Variants in RPL5 observed in about 807,000 individuals in gnomAD.
RPL5 encodes the protein large ribosomal subunit protein uL18.
Under a neutral mutation model 38.4 loss-of-function variants are expected in RPL5, and 1 was observed. The ratio of observed to expected loss-of-function variants is 0.03; its 90% CI spans 0.01 to 0.12. The LOEUF (loss-of-function observed/expected upper bound fraction) is 0.12. Among genes scored for constraint, RPL5 ranks in the 10% least tolerant of loss-of-function variants. The probability of loss-of-function intolerance (pLI) is 1.00; values close to 1 mark genes in which losing one functional copy is unlikely to be tolerated. For synonymous variants in RPL5, 109 were observed against 121.2 expected (o/e 0.90, Z 0.66); for missense variants, 243 against 374.1 (o/e 0.65, Z 2.89).
rs555757097 is a variant in RPL5, at chr1:92,832,380, T to C, written c.3+263T>C. On this transcript the variant is annotated intron_variant, in intron 1 of 7. Coordinates refer to ENST00000370321, the MANE Select transcript of RPL5 (RefSeq NM_000969.5). ...AGAAGGGTGAGTTTAGTAGACAGCC[T>C]GAGTGCGGATACTGCCGTCTAGTGT... 95 of 610,970 alleles carry C rather than the reference T, an allele frequency of 1.6e-4. 1 individual carries two copies. The South Asian group carries it at 1.7e-3, about 11-fold the overall frequency. The allele number at this position is 610,970 out of a possible 1,614,324, so 37.8% of individuals were successfully genotyped here.
rs1571026950 is a variant in RPL5 at position 92,834,895 on chromosome 1, C to T, written c.306C>T (p.Gly102=). 6.2e-7 allele frequency: 1 copy of T among 1,602,228 alleles called. No homozygotes were observed. The part of the protein sequence containing the change: ...LTNYAAAYCT[G]LLLARRLLNR... ...ATTATGCTGCAGCATATTGTACTGGCCTGCTGCTGGCCCGCAGGGTATGTA... is the reference window on the plus strand; with the variant it reads ...ATTATGCTGCAGCATATTGTACTGGTCTGCTGCTGGCCCGCAGGGTATGTA... Residue 102 remains glycine, a synonymous_variant, in exon 4 of 8, where the codon GGC becomes GGT. Coordinates refer to ENST00000370321, the MANE Select transcript of RPL5 (RefSeq NM_000969.5).
In RPL5 at chr1:92,832,057, G is replaced by A. The variant is rs200437092; in HGVS notation, c.-58G>A. ...GCTGTGGCCCTTTTCCCACCCCCTA[G>A]CGCCGCTGGGCCTGCAGGTCTCTGT... is the stretch of plus-strand genomic sequence containing the variant. On this transcript the variant is annotated 5_prime_UTR_variant, in exon 1 of 8. Transcript: ENST00000370321. 5.0e-6 allele frequency: 8 copies of A among 1,611,648 alleles called. No individual in the cohort carries two copies. The highest frequency in any genetic ancestry group is 1.7e-4 in the Middle Eastern group (1 of 6,060).
chr1:92,837,766 T>C (rs1571032390), intron 6 of RPL5, 133 bp downstream of exon 6: 1 of 745,710 alleles, frequency 1.3e-6, no homozygotes, highest in African/African-American at 1.8e-5. Context: ...CAACATTCTT[T>C]TAGTAATCTT....
chr1:92,840,275 T>C (rs1687301178), intron 6 of RPL5: 1 of 390,202 alleles, frequency 2.6e-6, no homozygotes, highest in South Asian at 2.3e-5. Context: ...ACTCCCAAAG[T>C]GCTTGAGATT....
intron 1 of RPL5, 156 bp from the exon 2 acceptor site, chr1:92,833,233 C>A: frequency 1.5e-6 from 1 of 672,476 alleles, no homozygotes; most frequent in Non-Finnish European, 2.7e-6. Flanking sequence ...GAAAAAGATT[C>A]TTGACCCTAG....
chr1:92,838,912 CTT>C (rs1246696636), intron 6 of RPL5, among the ~76,000 whole-genome samples: 1 of 151,806 alleles, frequency 6.6e-6, no homozygotes, highest in Admixed American at 6.6e-5. Flanking sequence ...CTTTAATAAT[CTT>C]TATGCAAATG....
chr1:92,835,246 C>T (rs890561531), intron 4 of RPL5: 3 of 393,630 alleles, frequency 7.6e-6, no homozygotes, highest in Non-Finnish European at 1.4e-5. Flanking sequence ...CTTAGGTATA[C>T]ATTCTGAATG....
At chr1:92,837,784 C>T (rs1340788616) in intron 6 of RPL5, 151 bp downstream of exon 6, 4 of 691,230 alleles carry the variant, frequency 5.8e-6, no homozygotes, top group Middle Eastern at 3.9e-4. Flanking sequence ...CTTTTAGATG[C>T]TCAAGTGTGG....
At chr1:92,839,229 C>T (rs569444031) in intron 6 of RPL5, among the ~76,000 whole-genome samples, 6 of 152,120 alleles carry the variant, frequency 3.9e-5, no homozygotes, top group East Asian at 1.9e-4. Flanking sequence ...CATGGTGGCT[C>T]ACTCCTGTAA....
rs745448466 is a variant in RPL5, at chr1:92,832,088, A to T, written c.-27A>T. The T allele has an allele frequency of 6.2e-7, 1 of 1,613,862 alleles. No homozygotes were observed. Among genetic ancestry groups the T allele is most frequent in the Non-Finnish European group, 8.5e-7 (1 of 1,179,948 alleles). On this transcript the variant is annotated 5_prime_UTR_variant, in exon 1 of 8. Transcript: ENST00000370321. Reference sequence around the variant, plus strand: ...CTGGGCCTGCAGGTCTCTGTCGAGCAGCGGACGCCGGTCTCTGTTCCGCAG... The same window carrying T: ...CTGGGCCTGCAGGTCTCTGTCGAGCTGCGGACGCCGGTCTCTGTTCCGCAG...
At position 92,836,243 on chromosome 1, in the gene RPL5, T is replaced by G. The variant is rs1687119389; in HGVS notation, c.378T>G (p.Thr126=). ...TCTATGAAGGCCAAGTGGAGGTGACTGGTGATGAATACAATGTGGAAAGCA... is the reference window on the plus strand; with the variant it reads ...TCTATGAAGGCCAAGTGGAGGTGACGGGTGATGAATACAATGTGGAAAGCA... ...DKIYEGQVEV[T]GDEYNVESID... The change falls in exon 5 of 8, where the codon ACT becomes ACG. Residue 126 remains threonine (T), a synonymous_variant. Transcript: ENST00000370321. The G allele has an allele frequency of 1.9e-6, 3 of 1,613,424 alleles. No homozygotes were observed. Among genetic ancestry groups the G allele is most frequent in the East Asian group, 2.2e-5 (1 of 44,900 alleles).
chr1:92,832,373 G>A (rs1686943654), intron 1 of RPL5: 1 of 625,588 alleles, frequency 1.6e-6, no homozygotes, highest in African/African-American at 1.8e-5. Context: ...GAGTTTAGTA[G>A]ACAGCCTGAG....
At position 92,841,360 on chromosome 1, in the gene RPL5, T is replaced by A. The variant is rs1188314481; in HGVS notation, c.795-406T>A. Among the ~76,000 whole-genome samples the A allele has an allele frequency of 2.6e-5, 4 of 152,274 alleles. 1 individual carries two copies. The highest frequency in any genetic ancestry group is 2.0e-4 in the Admixed American group (3 of 15,288). On this transcript the variant is annotated intron_variant, in intron 7 of 7. Transcript: ENST00000370321. ...CAAATGACAGAATTTCCATCATTTTTAAAGACTGGGTAATAATCCATTATG... is the reference window on the plus strand; with the variant it reads ...CAAATGACAGAATTTCCATCATTTTAAAAGACTGGGTAATAATCCATTATG...
intron 6 of RPL5, among the ~76,000 whole-genome samples, chr1:92,838,640 A>G (rs1687216980): frequency 6.6e-6 from 1 of 152,252 alleles, no homozygotes; most frequent in Non-Finnish European, 1.5e-5. Context: ...AATCCTGTGC[A>G]GACATCTGAT....
intron 1 of RPL5, 65 bp downstream of exon 1, chr1:92,832,182 C>T (rs1484787480): frequency 1.9e-6 from 3 of 1,605,782 alleles, no homozygotes; most frequent in East Asian, 4.5e-5. Flanking sequence ...GCCCGTATGC[C>T]AGCCTAGGGC....
chr1:92,840,975 A>G (rs1687341831), intron 7 of RPL5: 1 of 422,652 alleles, frequency 2.4e-6, no homozygotes, highest in South Asian at 1.9e-5. Context: ...AAGTGATGTG[A>G]TGGCCCACAA....
intron 6 of RPL5, among the ~76,000 whole-genome samples, chr1:92,838,829 A>G (rs973356506): frequency 6.6e-6 from 1 of 152,238 alleles, no homozygotes; most frequent in Non-Finnish European, 1.5e-5. Context: ...TAAAAGAGGT[A>G]GGGAAATTAA....
chr1:92,837,430 C>T (rs767076160), intron 5 of RPL5, 26 bp from the exon 6 acceptor site: 3 of 1,600,766 alleles, frequency 1.9e-6, no homozygotes, highest in Admixed American at 1.7e-5. Context: ...TGAGTCTATA[C>T]TAAAATATGA....
At chr1:92,836,679 A>G (rs1687142919) in intron 5 of RPL5, 1 of 386,334 alleles carries the variant, frequency 2.6e-6, no homozygotes, top group Non-Finnish European at 4.8e-6. Context: ...CTTATTAGAA[A>G]TGAGCAACTC....
Sources: allele counts gnomAD v4.1 joint callset (sites outside exome capture counted in the v4.1 genomes callset), GRCh38; gene constraint gnomAD v4.1.1; transcripts MANE v1.5; gene names NCBI Gene and HGNC (gene_info 2026-07-23, HGNC 2026-07-21).